The following RC3H1 variants were observed in gnomAD, a reference collection of about 807,000 sequenced individuals.
RC3H1 encodes ring finger and CCCH-type domains 1.
Under a neutral mutation model 138.2 loss-of-function variants are expected in RC3H1, and 50 were observed. That is an observed-to-expected ratio of 0.36 (90% CI 0.29 to 0.46). The LOEUF is 0.46. Among genes scored for constraint, RC3H1 ranks in the 20% least tolerant of loss-of-function variants. The pLI, the probability that RC3H1 is intolerant of heterozygous loss-of-function variation, is 1.00. For synonymous variants in RC3H1, 462 were observed against 489.1 expected (o/e 0.94, Z 0.73); for missense variants, 1,031 against 1,388.1 (o/e 0.74, Z 4.09).
chr1:174,004,527 CA>C (rs1411360253), intron 1 of RC3H1, among the ~76,000 whole-genome samples: 1 of 151,958 alleles, frequency 6.6e-6, no homozygotes, highest in Non-Finnish European at 1.5e-5. Context: ...TTGGCAGGGC[CA>C]GGGGCAGTGG....
chr1:174,014,123 G>A (rs937626979), intron 1 of RC3H1, among the ~76,000 whole-genome samples: 1 of 152,182 alleles, frequency 6.6e-6, no homozygotes, highest in African/African-American at 2.4e-5. Context: ...CATTCTGCAC[G>A]ATTCTAGAAT....
At chr1:173,942,543 T>C (rs1277986721) in intron 18 of RC3H1, among the ~76,000 whole-genome samples, 2 of 151,360 alleles carry the variant, frequency 1.3e-5, no homozygotes, top group Non-Finnish European at 2.9e-5. Flanking sequence ...AGAAAGATTA[T>C]GAAAACTGGC....
chr1:173,964,882 T>C lies in RC3H1; in HGVS notation c.1573A>G (p.Ile525Val), dbSNP rs1301054751. Reference protein sequence around the residue: ...SYDSSLKPGKIDHLSSSAPGS... With the variant: ...SYDSSLKPGKVDHLSSSAPGS... ...GGAGCACTACTGCTCAGATGATCTA[T>C]TTTTCCTGGTTTCAGACTAGAATCA... is the stretch of plus-strand genomic sequence containing the variant. The change falls in exon 10 of 20, where the codon ATA becomes GTA. Residue 525 changes from isoleucine (I) to valine (V), a missense_variant. Ile to Val is a conservative substitution (Grantham distance 29). This residue lies in a region of RC3H1 where 716 missense variants were observed against 837.9 expected (regional missense o/e 0.85). Transcript: ENST00000367696. 6.2e-7 allele frequency: 1 copy of C among 1,614,044 alleles called. No homozygotes were observed. Among genetic ancestry groups the C allele is most frequent in the East Asian group, 2.2e-5 (1 of 44,894 alleles).
intron 1 of RC3H1, among the ~76,000 whole-genome samples, chr1:174,020,750 T>C (rs1661941364): frequency 6.6e-6 from 1 of 152,236 alleles, no homozygotes; most frequent in African/African-American, 2.4e-5. Context: ...GGCTCACGCC[T>C]GTAATCCAAG....
intron 15 of RC3H1, 42 bp downstream of exon 15, chr1:173,947,327 G>C: frequency 7.2e-7 from 1 of 1,391,142 alleles, no homozygotes; most frequent in Non-Finnish European, 1.0e-6. Flanking sequence ...TGAAAGTCAA[G>C]ATTATGAACC....
In RC3H1 at chr1:173,938,723, A is replaced by T; in HGVS notation, c.3400T>A (p.Ter1134LysextTer12). Residue 1134 changes from the stop codon to lysine, a stop_lost, in exon 20 of 20, where the codon TAA (stop) becomes AAA (lysine). Coordinates refer to ENST00000367696, the MANE Select transcript of RC3H1 (RefSeq NM_172071.4). Reference sequence around the variant, plus strand: ...ATAAAAGTAGGACTCCTCATATTTTAAGGAGCAGAACTGGGAGTAACTCCT... The same window carrying T: ...ATAAAAGTAGGACTCCTCATATTTTTAGGAGCAGAACTGGGAGTAACTCCT... ...RSGVTPSSAP[*>K] The T allele has an allele frequency of 6.3e-7, 1 of 1,597,840 alleles. No individual in the cohort carries two copies. Among genetic ancestry groups the T allele is most frequent in the East Asian group, 2.2e-5 (1 of 44,610 alleles).
Position 173,945,647 on chromosome 1 carries a change from C to T in RC3H1, c.2961+829G>A, listed in dbSNP as rs189283354. ...GTGATTTTTAAATGGTACAGAACTACGTAAATGAAAAGTGTTATTATTCTT... is the reference window on the plus strand; with the variant it reads ...GTGATTTTTAAATGGTACAGAACTATGTAAATGAAAAGTGTTATTATTCTT... On this transcript the variant is annotated intron_variant, in intron 17 of 19. Transcript: ENST00000367696. 1.7e-3 allele frequency among the ~76,000 whole-genome samples: 255 copies of T among 151,998 alleles called. 1 individual carries two copies. The highest frequency in any genetic ancestry group is 5.9e-3 in the African/African-American group (246 of 41,480).
At chr1:173,993,672 T>A (rs560131410) in intron 1 of RC3H1, among the ~76,000 whole-genome samples, 1 of 151,528 alleles carries the variant, frequency 6.6e-6, no homozygotes, top group Non-Finnish European at 1.5e-5. Flanking sequence ...GGATTACAGG[T>A]GTGAGCCACC....
In RC3H1 at chr1:173,974,277, CAAAAAAAA is replaced by C. The variant is rs571801899; in HGVS notation, c.1103-1658_1103-1651del. Among the ~76,000 whole-genome samples, 18 of 47,204 alleles carry C rather than the reference CAAAAAAAA, an allele frequency of 3.8e-4. 1 individual carries two copies. The highest frequency in any genetic ancestry group is 1.3e-3 in the East Asian group (2 of 1,524). The allele number at this position is 47,204 out of a possible 152,430, so 31.0% of individuals were successfully genotyped here. A position where few individuals can be genotyped will look rare whatever the true frequency, so the allele number is the denominator to read the frequency against. On this transcript the variant is annotated intron_variant, in intron 7 of 19. Coordinates refer to ENST00000367696, the MANE Select transcript of RC3H1 (RefSeq NM_172071.4). ...CCTGGTCAATAGAGGGAGACTGTCT[CAAAAAAAA>C]AAAAAAAAAAAAAAAAAAAAATTTA...
intron 13 of RC3H1, among the ~76,000 whole-genome samples, chr1:173,960,107 CAAAAAAAAAAA>C (rs58330993): frequency 9.8e-5 from 5 of 51,126 alleles, no homozygotes; most frequent in Non-Finnish European, 1.6e-4. Context: ...GACTCCGACT[CAAAAAAAAAAA>C]AAAAAAAAAA....
At chr1:174,011,271 T>TA (rs922032570) in intron 1 of RC3H1, among the ~76,000 whole-genome samples, 77 of 148,886 alleles carry the variant, frequency 5.2e-4, no homozygotes, top group Admixed American at 1.2e-3. Flanking sequence ...ATAACTCAAT[T>TA]AAAAAAAAAA....
intron 9 of RC3H1, among the ~76,000 whole-genome samples, chr1:173,968,087 T>C (rs1557934025): frequency 6.6e-6 from 1 of 152,216 alleles, no homozygotes. Context: ...TAAGCTCCTA[T>C]ATGCATCTCA....
In RC3H1 at chr1:173,931,537, A is replaced by G. The variant is rs1176200237; in HGVS notation, c.*7184T>C. 1 of 151,564 alleles carries G rather than the reference A, an allele frequency of 6.6e-6. No individual in the cohort carries two copies. The highest frequency in any genetic ancestry group is 2.4e-5 in the African/African-American group (1 of 40,860). The allele number at this position is 151,564 out of a possible 1,614,324, so 9.4% of individuals were successfully genotyped here. A position where few individuals can be genotyped will look rare whatever the true frequency, so the allele number is the denominator to read the frequency against. ...AACAAGTGGGAACATGTACTTATTT[A>G]GACCCAGAGTTCTGCTGCCCTAAAC... On this transcript the variant is annotated 3_prime_UTR_variant, in exon 20 of 20. Transcript: ENST00000367696.
At chr1:173,982,303 C>T (rs1198091292) in intron 5 of RC3H1, among the ~76,000 whole-genome samples, 1 of 151,156 alleles carries the variant, frequency 6.6e-6, no homozygotes, top group East Asian at 2.0e-4. Flanking sequence ...CGCTTGAACG[C>T]AGGAGGTGGA....
At position 173,952,025 on chromosome 1, in the gene RC3H1, T is replaced by G. The variant is rs1295713468; in HGVS notation, c.2484A>C (p.Lys828Asn). Reference sequence around the variant, plus strand: ...TCCCTGCTGCCACAACATCTTTGGGTTTTGCATCTTTGGTTCCAATGTAGG... The same window carrying G: ...TCCCTGCTGCCACAACATCTTTGGGGTTTGCATCTTTGGTTCCAATGTAGG... ...IGSYIGTKDA[K>N]PKDVVAAGSV... The change falls in exon 14 of 20, where the codon AAA becomes AAC. Residue 828 changes from lysine to asparagine, a missense_variant. Transcript: ENST00000367696. 1 of 1,607,226 alleles carries G rather than the reference T, an allele frequency of 6.2e-7. No individual in the cohort carries two copies.
At chr1:173,990,263 A>G (rs1661218151) in intron 2 of RC3H1, among the ~76,000 whole-genome samples, 1 of 151,652 alleles carries the variant, frequency 6.6e-6, no homozygotes, top group South Asian at 2.1e-4. Context: ...TTTTTGGTAG[A>G]GACGGGGTTT....
At chr1:173,948,855 G>A (rs897886230) in intron 14 of RC3H1, among the ~76,000 whole-genome samples, 6 of 151,996 alleles carry the variant, frequency 3.9e-5, no homozygotes, top group Admixed American at 1.3e-4. Context: ...CAAAGTGCTG[G>A]GGTTACAGGT....
chr1:173,961,346 A>G (rs904448795), intron 12 of RC3H1, 102 bp from the exon 13 acceptor site: 1 of 1,004,370 alleles, frequency 1.0e-6, no homozygotes, highest in Non-Finnish European at 1.4e-6. Context: ...CAGCTTGTAT[A>G]CCCTTCTTAA....
At chr1:173,965,270 A>C in intron 9 of RC3H1, 150 bp from the exon 10 acceptor site, 1 of 761,238 alleles carries the variant, frequency 1.3e-6, no homozygotes, top group Non-Finnish European at 2.0e-6. Flanking sequence ...TCTAGCAGCA[A>C]GACATATTAA....
Sources: gnomAD v4.1 joint callset for allele counts (sites outside exome capture counted in the v4.1 genomes callset) on GRCh38, gnomAD v4.1.1 for gene constraint, gnomAD v4.1.1 regional missense constraint, MANE v1.5 for transcripts, NCBI Gene and HGNC (gene_info 2026-07-23, HGNC 2026-07-21) for gene names.